Variants in TENM3 observed in about 807,000 individuals in gnomAD.
The protein encoded by TENM3 is teneurin transmembrane protein 3.
In TENM3, 63 loss-of-function variants were observed where a neutral mutation model predicts 255.1. The observed-to-expected ratio is 0.25, with a 90% CI of 0.20 to 0.30. TENM3 has a LOEUF of 0.30. Ranked by LOEUF, TENM3 falls within the 10% of genes least tolerant of loss-of-function variation. The pLI is 1.00. For synonymous variants in TENM3, 1,306 were observed against 1,322.3 expected (o/e 0.99, Z 0.27); for missense variants, 2,929 against 3,461.1 (o/e 0.85, Z 3.86).
chr4:182,748,191 T>C (rs1448390023), intron 19 of TENM3, among the ~76,000 whole-genome samples: 1 of 152,190 alleles, frequency 6.6e-6, no homozygotes, highest in African/African-American at 2.4e-5. Flanking sequence ...AGGTGTAATA[T>C]ACTAAAGGTT....
the TENM3 span, among the ~76,000 whole-genome samples, chr4:181,914,062 T>C: frequency 6.6e-6 from 1 of 152,200 alleles, no homozygotes; most frequent in Non-Finnish European, 1.5e-5. Flanking sequence ...CTTTCCTTTC[T>C]TCAACCATCC....
chr4:181,790,566 AG>A, the TENM3 span, among the ~76,000 whole-genome samples: 1 of 152,222 alleles, frequency 6.6e-6, no homozygotes, highest in African/African-American at 2.4e-5. Flanking sequence ...GAAATAGAAA[AG>A]TTACTGCTTA....
chr4:182,259,788 AT>A (rs1410326619), intron 1 of TENM3, among the ~76,000 whole-genome samples: 1 of 151,814 alleles, frequency 6.6e-6, no homozygotes, highest in East Asian at 1.9e-4. Context: ...TTTTGTAGTT[AT>A]TTTGAAATAC....
At chr4:182,688,402 C>G in intron 12 of TENM3, 51 bp downstream of exon 12, 1 of 1,374,358 alleles carries the variant, frequency 7.3e-7, no homozygotes, top group Non-Finnish European at 9.6e-7. Flanking sequence ...GAGAAGAGCA[C>G]CGACGGTCAG....
the TENM3 span, among the ~76,000 whole-genome samples, chr4:181,800,559 G>A: frequency 6.6e-6 from 1 of 152,148 alleles, no homozygotes; most frequent in African/African-American, 2.4e-5. Context: ...CTTGAACCCG[G>A]GAGGTGGAGG....
the TENM3 span, among the ~76,000 whole-genome samples, chr4:181,949,478 A>G: frequency 1.1e-4 from 16 of 152,278 alleles, no homozygotes; most frequent in Non-Finnish European, 1.8e-4. Context: ...TCCATCTGCA[A>G]ATCCTATTAT....
At chr4:182,413,573 G>C (rs1280918413) in intron 3 of TENM3, among the ~76,000 whole-genome samples, 10 of 151,826 alleles carry the variant, frequency 6.6e-5, no homozygotes, top group Non-Finnish European at 1.3e-4. Flanking sequence ...TCAAGATCAT[G>C]CCACTGCACT....
At chr4:181,677,173 T>TA in the TENM3 span, among the ~76,000 whole-genome samples, 1 of 152,158 alleles carries the variant, frequency 6.6e-6, no homozygotes, top group Admixed American at 6.6e-5. Flanking sequence ...CTTTAACACC[T>TA]AATGCCCATG....
At chr4:181,466,925 CT>C in the TENM3 span, among the ~76,000 whole-genome samples, 1 of 150,850 alleles carries the variant, frequency 6.6e-6, no homozygotes. Context: ...CTCTCTCAAA[CT>C]TTTTATTGGT....
chr4:182,676,560 G>C (rs1033930855), intron 7 of TENM3, among the ~76,000 whole-genome samples: 1 of 152,188 alleles, frequency 6.6e-6, no homozygotes, highest in Non-Finnish European at 1.5e-5. Flanking sequence ...ACACAGTTAA[G>C]TATTCATAGA....
At chr4:182,613,902 A>G (rs547343199) in intron 4 of TENM3, among the ~76,000 whole-genome samples, 8 of 152,332 alleles carry the variant, frequency 5.3e-5, no homozygotes, top group African/African-American at 1.7e-4. Context: ...TCTTGTTTAT[A>G]AGCTTTGCAT....
chr4:181,649,089 C>T, the TENM3 span, among the ~76,000 whole-genome samples: 1 of 152,156 alleles, frequency 6.6e-6, no homozygotes, highest in South Asian at 2.1e-4. Flanking sequence ...CAAGGCAAGG[C>T]CTCTGCATTT....
At chr4:182,729,268 T>G in intron 14 of TENM3, 87 bp downstream of exon 14, 1 of 1,137,402 alleles carries the variant, frequency 8.8e-7, no homozygotes, top group Admixed American at 2.2e-5. Flanking sequence ...ACTGTGAACC[T>G]GAGGAAAGTG....
At chr4:182,212,186 T>G (rs1755090543) in intron 1 of TENM3, among the ~76,000 whole-genome samples, 2 of 152,246 alleles carry the variant, frequency 1.3e-5, no homozygotes, top group African/African-American at 4.8e-5. Context: ...TGTACATTTT[T>G]CAAGTGAAAC....
chr4:181,588,963 G>A, the TENM3 span, among the ~76,000 whole-genome samples: 1 of 152,264 alleles, frequency 6.6e-6, no homozygotes, highest in African/African-American at 2.4e-5. Flanking sequence ...GGCTATGAGA[G>A]TTAAAATTAT....
the TENM3 span, among the ~76,000 whole-genome samples, chr4:181,524,677 A>C: frequency 6.6e-6 from 1 of 152,224 alleles, no homozygotes; most frequent in Non-Finnish European, 1.5e-5. Context: ...AGTGTGGTAC[A>C]TGAGAAGGGC....
the TENM3 span, among the ~76,000 whole-genome samples, chr4:181,492,770 C>T: frequency 6.6e-6 from 1 of 152,094 alleles, no homozygotes; most frequent in Non-Finnish European, 1.5e-5. Flanking sequence ...TCACTCTTCC[C>T]ATCTGTAATA....
At chr4:182,262,807 G>A (rs1314691798) in intron 1 of TENM3, among the ~76,000 whole-genome samples, 7 of 147,206 alleles carry the variant, frequency 4.8e-5, no homozygotes, top group East Asian at 2.1e-4. Flanking sequence ...TCCGCCTCCC[G>A]GGTTCACGCC....
At chr4:182,665,583 T>C (rs573765871) in intron 6 of TENM3, among the ~76,000 whole-genome samples, 1 of 152,224 alleles carries the variant, frequency 6.6e-6, no homozygotes, top group South Asian at 2.1e-4. Context: ...CTGTGATAGA[T>C]CTGGGCAAAA....
Sources: gnomAD v4.1 joint callset for allele counts (sites outside exome capture counted in the v4.1 genomes callset) on GRCh38, gnomAD v4.1.1 for gene constraint, MANE v1.5 for transcripts, NCBI Gene and HGNC (gene_info 2026-07-23, HGNC 2026-07-21) for gene names.